The following CCSER1 variants were observed in gnomAD, a reference collection of about 807,000 sequenced individuals.
CCSER1 encodes serine-rich coiled-coil domain-containing protein 1.
Under a neutral mutation model 82.0 loss-of-function variants are expected in CCSER1, and 41 were observed. The observed-to-expected ratio is 0.50, with a 90% CI of 0.39 to 0.65. The LOEUF is 0.65. Among genes scored for constraint, CCSER1 ranks in the 30% least tolerant of loss-of-function variants. The pLI, the probability that CCSER1 is intolerant of heterozygous loss-of-function variation, is 0.00. For synonymous variants in CCSER1, 414 were observed against 383.9 expected, an observed-to-expected ratio of 1.08 and a Z score of -0.92; for missense variants, 1,119 against 1,064.2, an observed-to-expected ratio of 1.05 and a Z score of -0.72.
At chr4:91,150,479 C>G (rs939495234) in intron 10 of CCSER1, among the ~76,000 whole-genome samples, 1 of 152,154 alleles carries the variant, frequency 6.6e-6, no homozygotes, top group Non-Finnish European at 1.5e-5. Context: ...ATTTCTTTCT[C>G]CTGCCTGATT....
At chr4:91,508,550 G>A (rs1011558839) in intron 10 of CCSER1, among the ~76,000 whole-genome samples, 2 of 148,094 alleles carry the variant, frequency 1.4e-5, no homozygotes, top group African/African-American at 5.0e-5. Context: ...AAAAGTTACT[G>A]GTCTGTAGTT....
At chr4:91,308,256 A>G (rs954653779) in intron 10 of CCSER1, among the ~76,000 whole-genome samples, 13 of 151,994 alleles carry the variant, frequency 8.6e-5, no homozygotes, top group Admixed American at 7.9e-4. Context: ...GTTTCATCTC[A>G]TAATGATTGA....
At chr4:91,598,428 C>T (rs1764681844) in intron 10 of CCSER1, 144 bp from the exon 11 acceptor site, 1 of 835,660 alleles carries the variant, frequency 1.2e-6, no homozygotes, top group Admixed American at 3.1e-5. Flanking sequence ...AATTTAATCC[C>T]ATGGTTAATT....
intron 1 of CCSER1, among the ~76,000 whole-genome samples, chr4:90,218,399 A>G (rs1489563879): frequency 2.0e-5 from 3 of 152,186 alleles, no homozygotes; most frequent in Non-Finnish European, 4.4e-5. Flanking sequence ...TTTGTACCCC[A>G]AAACCCAGCA....
At chr4:90,648,350 C>T (rs1179486001) in intron 6 of CCSER1, among the ~76,000 whole-genome samples, 1 of 114,218 alleles carries the variant, frequency 8.8e-6, no homozygotes, top group East Asian at 2.6e-4. Flanking sequence ...AGAGAGTTGC[C>T]CTCAAGAAAG....
intron 9 of CCSER1, among the ~76,000 whole-genome samples, chr4:91,036,008 A>C (rs1272374742): frequency 1.3e-5 from 2 of 152,216 alleles, no homozygotes; most frequent in African/African-American, 4.8e-5. Context: ...TTGGGAGTTT[A>C]ACTCACAGGA....
chr4:91,041,653 G>GA (rs1017250236), intron 9 of CCSER1, among the ~76,000 whole-genome samples: 24 of 150,662 alleles, frequency 1.6e-4, no homozygotes, highest in Admixed American at 2.7e-4. Context: ...CAAAGTAAAA[G>GA]AAAAAAAAAT....
intron 5 of CCSER1, among the ~76,000 whole-genome samples, chr4:90,537,415 G>A (rs1223771393): frequency 6.6e-6 from 1 of 151,800 alleles, no homozygotes; most frequent in Non-Finnish European, 1.5e-5. Flanking sequence ...ATTTTATAAT[G>A]TATTCTTCAT....
intron 1 of CCSER1, among the ~76,000 whole-genome samples, chr4:90,160,119 A>G (rs1729149815): frequency 6.6e-6 from 1 of 152,210 alleles, no homozygotes; most frequent in Non-Finnish European, 1.5e-5. Flanking sequence ...AGCAGGATTT[A>G]ACTCCATAGT....
intron 5 of CCSER1, among the ~76,000 whole-genome samples, chr4:90,552,694 C>T (rs529129596): frequency 1.3e-5 from 2 of 152,110 alleles, no homozygotes; most frequent in African/African-American, 4.8e-5. Context: ...TGAGCTCAAA[C>T]AATCCACCCA....
chr4:91,461,972 T>C (rs1320765806), intron 10 of CCSER1, among the ~76,000 whole-genome samples: 1 of 152,198 alleles, frequency 6.6e-6, no homozygotes, highest in Non-Finnish European at 1.5e-5. Flanking sequence ...GCTCTTTTAC[T>C]ATCTATTTAA....
intron 10 of CCSER1, among the ~76,000 whole-genome samples, chr4:91,478,387 T>C (rs1333129473): frequency 6.6e-6 from 1 of 151,902 alleles, no homozygotes; most frequent in Non-Finnish European, 1.5e-5. Flanking sequence ...AGAAACAATA[T>C]GTCATTTAGT....
intron 10 of CCSER1, among the ~76,000 whole-genome samples, chr4:91,135,826 C>T (rs1268462098): frequency 2.6e-5 from 4 of 152,174 alleles, no homozygotes; most frequent in African/African-American, 4.8e-5. Context: ...ATTTTCACAA[C>T]TTCGCTATAA....
chr4:90,790,744 T>C (rs1755115884), intron 7 of CCSER1, among the ~76,000 whole-genome samples: 1 of 152,170 alleles, frequency 6.6e-6, no homozygotes, highest in Admixed American at 6.5e-5. Context: ...AACAAGTCTC[T>C]AGGAAGTCTC....
chr4:91,455,912 C>G (rs551964870), intron 10 of CCSER1, among the ~76,000 whole-genome samples: 1 of 152,070 alleles, frequency 6.6e-6, no homozygotes, highest in South Asian at 2.1e-4. Context: ...TGTCTGCAAA[C>G]CTTGTTAAGA....
intron 10 of CCSER1, among the ~76,000 whole-genome samples, chr4:91,166,372 G>A: frequency 6.6e-6 from 1 of 152,044 alleles, no homozygotes; most frequent in East Asian, 1.9e-4. Context: ...AAAAAAAAGT[G>A]ATCCAAATAG....
chr4:90,571,484 T>C (rs1780112367), intron 5 of CCSER1, among the ~76,000 whole-genome samples: 1 of 152,110 alleles, frequency 6.6e-6, no homozygotes, highest in Non-Finnish European at 1.5e-5. Flanking sequence ...CTAAGAAGAT[T>C]AATGCAGAAA....
chr4:90,780,338 C>A, intron 7 of CCSER1: 1 of 1,202,466 alleles, frequency 8.3e-7, no homozygotes, highest in Non-Finnish European at 1.2e-6. Flanking sequence ...TCTAAATTAT[C>A]TTTAAGAACA....
At chr4:91,404,442 T>A (rs1263202443) in intron 10 of CCSER1, among the ~76,000 whole-genome samples, 2 of 152,204 alleles carry the variant, frequency 1.3e-5, no homozygotes, top group Non-Finnish European at 2.9e-5. Flanking sequence ...TGCTAGCTTT[T>A]GAATGTGTTT....
Sources: gnomAD v4.1 joint callset for allele counts (sites outside exome capture counted in the v4.1 genomes callset) on GRCh38, gnomAD v4.1.1 for gene constraint, MANE v1.5 for transcripts, NCBI Gene and HGNC (gene_info 2026-07-23, HGNC 2026-07-21) for gene names.